SPOCK3: variants seen among roughly 807,000 people sequenced by gnomAD.
SPOCK3 encodes SPARC (osteonectin), cwcv and kazal like domains proteoglycan 3.
In SPOCK3, 30 loss-of-function variants were observed where a neutral mutation model predicts 56.6. The ratio of observed to expected loss-of-function variants is 0.53; its 90% confidence interval spans 0.40 to 0.72. The LOEUF (loss-of-function observed/expected upper bound fraction) is 0.72. Among genes scored for constraint, SPOCK3 ranks in the 30% least tolerant of loss-of-function variants. The pLI, the probability that SPOCK3 is intolerant of heterozygous loss-of-function variation, is 0.00. For synonymous variants in SPOCK3, 196 were observed against 183.3 expected (o/e 1.07, Z -0.56); for missense variants, 527 against 530.0 (o/e 0.99, Z 0.06).
chr4:167,059,309 AAAAC>A lies in SPOCK3; in HGVS notation c.235+3179_235+3182del, dbSNP rs1755303231. ...AGACCTCAAACAAATTTACAAGAAAAAAACAAACAACCCCATCAAAAAGTGGGCA... is the reference window on the plus strand; with the variant it reads ...AGACCTCAAACAAATTTACAAGAAAAAAACAACCCCATCAAAAAGTGGGCA... On this transcript the variant is annotated intron_variant, in intron 3 of 10. Coordinates refer to ENST00000357545, the MANE Select transcript of SPOCK3 (RefSeq NM_001040159.2). Among the ~76,000 whole-genome samples the A allele has an allele frequency of 2.6e-5, 4 of 152,228 alleles. No individual in the cohort carries two copies. The South Asian group carries it at 8.3e-4, about 32-fold the overall frequency.
chr4:166,929,824 T>C (rs1210730427), intron 4 of SPOCK3, among the ~76,000 whole-genome samples: 1 of 152,210 alleles, frequency 6.6e-6, no homozygotes, highest in Non-Finnish European at 1.5e-5. Context: ...GATATGTAAA[T>C]TATTAGTCTA....
chr4:167,093,335 C>A (rs764899297), intron 2 of SPOCK3, among the ~76,000 whole-genome samples: 2 of 152,042 alleles, frequency 1.3e-5, no homozygotes, highest in Non-Finnish European at 2.9e-5. Context: ...GATACATGTG[C>A]AGAACATGCA....
intron 3 of SPOCK3, among the ~76,000 whole-genome samples, chr4:167,005,307 T>C (rs1047449566): frequency 3.9e-5 from 6 of 152,078 alleles, no homozygotes; most frequent in Admixed American, 1.3e-4. Flanking sequence ...CCTCCCGGGT[T>C]CATGCCATTC....
intron 4 of SPOCK3, among the ~76,000 whole-genome samples, chr4:166,918,729 C>G (rs1738166510): frequency 6.6e-6 from 1 of 152,046 alleles, no homozygotes; most frequent in South Asian, 2.1e-4. Flanking sequence ...AAATTAACTA[C>G]AATCTGATAC....
At chr4:167,023,270 T>C (rs970231064) in intron 3 of SPOCK3, among the ~76,000 whole-genome samples, 18 of 151,900 alleles carry the variant, frequency 1.2e-4, no homozygotes, top group African/African-American at 4.3e-4. Flanking sequence ...CTAACTTTTA[T>C]GAACTCAGAA....
intron 2 of SPOCK3, among the ~76,000 whole-genome samples, chr4:167,073,040 C>T (rs1397827763): frequency 6.6e-6 from 1 of 151,522 alleles, no homozygotes; most frequent in Non-Finnish European, 1.5e-5. Flanking sequence ...ATTTATTTTG[C>T]ATTCTTTGTA....
intron 6 of SPOCK3, among the ~76,000 whole-genome samples, chr4:166,821,188 C>A (rs1744899406): frequency 1.3e-5 from 2 of 151,894 alleles, no homozygotes; most frequent in South Asian, 4.2e-4. Context: ...AGAAGATATG[C>A]AAATTTCTGA....
At chr4:166,970,497 G>A (rs1745256109) in intron 4 of SPOCK3, among the ~76,000 whole-genome samples, 1 of 152,164 alleles carries the variant, frequency 6.6e-6, no homozygotes, top group South Asian at 2.1e-4. Flanking sequence ...GCTGAGGCGG[G>A]TGGATCACCT....
chr4:167,217,356 T>G (rs1357203978), intron 2 of SPOCK3, among the ~76,000 whole-genome samples: 4 of 140,654 alleles, frequency 2.8e-5, no homozygotes, highest in South Asian at 2.1e-4. Flanking sequence ...TGTACAGATG[T>G]TTTTTTTTGT....
intron 6 of SPOCK3, among the ~76,000 whole-genome samples, chr4:166,835,718 T>C (rs1197559252): frequency 2.0e-5 from 3 of 152,128 alleles, no homozygotes; most frequent in Non-Finnish European, 4.4e-5. Flanking sequence ...GTTCAAAAAA[T>C]TCTGTTTTGG....
chr4:166,894,608 A>C (rs1207165873), intron 5 of SPOCK3, among the ~76,000 whole-genome samples: 1 of 152,146 alleles, frequency 6.6e-6, no homozygotes, highest in Non-Finnish European at 1.5e-5. Flanking sequence ...TGAGGAAGTA[A>C]GGACACGACA....
intron 6 of SPOCK3, among the ~76,000 whole-genome samples, chr4:166,861,033 G>A (rs995171142): frequency 6.6e-6 from 1 of 151,628 alleles, no homozygotes; most frequent in Admixed American, 6.6e-5. Flanking sequence ...TAGGCAAGTA[G>A]CTGCAGTAAT....
At chr4:166,838,584 G>A (rs1448790204) in intron 6 of SPOCK3, among the ~76,000 whole-genome samples, 1 of 150,346 alleles carries the variant, frequency 6.7e-6, no homozygotes, top group East Asian at 2.0e-4. Context: ...GCTTTGCTGG[G>A]ACTTTAGAAA....
At chr4:167,058,115 C>T (rs1755114237) in intron 3 of SPOCK3, among the ~76,000 whole-genome samples, 1 of 152,106 alleles carries the variant, frequency 6.6e-6, no homozygotes, top group Non-Finnish European at 1.5e-5. Flanking sequence ...TCTCTCACCA[C>T]TCCTATTCAA....
At chr4:167,107,680 A>G (rs1760284989) in intron 2 of SPOCK3, among the ~76,000 whole-genome samples, 1 of 151,908 alleles carries the variant, frequency 6.6e-6, no homozygotes, top group Non-Finnish European at 1.5e-5. Context: ...TTTGCTGATG[A>G]TATAACTTTA....
chr4:167,092,919 A>T (rs537655917), intron 2 of SPOCK3, among the ~76,000 whole-genome samples: 1 of 152,310 alleles, frequency 6.6e-6, no homozygotes, highest in South Asian at 2.1e-4. Flanking sequence ...AATAAATAAT[A>T]GCGAGTTTTT....
intron 2 of SPOCK3, among the ~76,000 whole-genome samples, chr4:167,126,446 G>T (rs1762289508): frequency 1.3e-5 from 2 of 152,078 alleles, no homozygotes; most frequent in Non-Finnish European, 2.9e-5. Context: ...CTACTTGGGA[G>T]GCTGAGGCAG....
intron 2 of SPOCK3, among the ~76,000 whole-genome samples, chr4:167,227,850 G>A (rs1040879516): frequency 2.6e-5 from 4 of 152,062 alleles, no homozygotes; most frequent in Non-Finnish European, 5.9e-5. Flanking sequence ...AAGTCTTACT[G>A]TCAGAGTAGC....
intron 4 of SPOCK3, among the ~76,000 whole-genome samples, chr4:166,970,747 A>C (rs926213320): frequency 4.7e-5 from 7 of 149,766 alleles, no homozygotes; most frequent in Non-Finnish European, 7.4e-5. Flanking sequence ...AAAAAAAAAA[A>C]CAGAGTAACA....
Sources: gnomAD v4.1 joint callset for allele counts (sites outside exome capture counted in the v4.1 genomes callset) on GRCh38, gnomAD v4.1.1 for gene constraint, MANE v1.5 for transcripts, NCBI Gene and HGNC (gene_info 2026-07-23, HGNC 2026-07-21) for gene names.